XRCC4: variants seen among roughly 807,000 people sequenced by gnomAD.
XRCC4 encodes the protein DNA repair protein XRCC4.
A neutral mutation model predicts 39.1 loss-of-function variants in XRCC4; 28 were observed. That is an observed-to-expected ratio of 0.72 (90% CI 0.53 to 0.98). XRCC4 has a LOEUF of 0.98. Ranked by LOEUF, XRCC4 falls within the 50% of genes least tolerant of loss-of-function variation. The probability of loss-of-function intolerance (pLI) is 0.00; values close to 1 mark genes in which losing one functional copy is unlikely to be tolerated. For missense variants in XRCC4, 350 were observed against 376.4 expected (o/e 0.93, Z 0.58); for synonymous variants, 123 against 126.4 (o/e 0.97, Z 0.18).
chr5:83,270,866 A>G (rs1210148500), intron 7 of XRCC4, among the ~76,000 whole-genome samples: 1 of 151,566 alleles, frequency 6.6e-6, no homozygotes, highest in African/African-American at 2.4e-5. Flanking sequence ...GCTCACTGCA[A>G]TCTCTGCCTC....
intron 6 of XRCC4, among the ~76,000 whole-genome samples, chr5:83,232,749 G>C (rs536463045): frequency 6.6e-6 from 1 of 152,042 alleles, no homozygotes; most frequent in East Asian, 1.9e-4. Context: ...GTAAATTTCT[G>C]GTCAAAAAAA....
In XRCC4 at chr5:83,234,472, T is replaced by A. The variant is rs1580404355; in HGVS notation, c.746-24058T>A. On this transcript the variant is annotated intron_variant, in intron 6 of 7. Coordinates refer to ENST00000396027, the MANE Select transcript of XRCC4 (RefSeq NM_003401.5). The stretch of plus-strand genomic sequence containing the variant: ...AGTGCAGTGGCTGGTCACAGTAAAA[T>A]CATACCACAGTACAGCCTCGAACTC... Among the ~76,000 whole-genome samples the A allele has an allele frequency of 2.6e-5, 4 of 152,194 alleles. No individual in the cohort carries two copies. The South Asian group carries it at 8.3e-4, about 32-fold the overall frequency.
intron 3 of XRCC4, among the ~76,000 whole-genome samples, chr5:83,111,589 A>G (rs1366897113): frequency 6.6e-6 from 1 of 152,116 alleles, no homozygotes; most frequent in Non-Finnish European, 1.5e-5. Flanking sequence ...ATCTTTGAAT[A>G]TAGAATAATT....
At chr5:83,303,338 C>G (rs769735931) in intron 7 of XRCC4, among the ~76,000 whole-genome samples, 2 of 151,610 alleles carry the variant, frequency 1.3e-5, no homozygotes, top group Non-Finnish European at 2.9e-5. Context: ...TTTATTTATG[C>G]GCAGAGAAAA....
chr5:83,168,097 C>T (rs1749565536), intron 3 of XRCC4, among the ~76,000 whole-genome samples: 1 of 152,080 alleles, frequency 6.6e-6, no homozygotes, highest in African/African-American at 2.4e-5. Flanking sequence ...ATAAACTCTA[C>T]AGTTAAAAGA....
At chr5:83,299,505 C>G (rs1301710771) in intron 7 of XRCC4, among the ~76,000 whole-genome samples, 1 of 152,014 alleles carries the variant, frequency 6.6e-6, no homozygotes, top group Admixed American at 6.6e-5. Flanking sequence ...TCTCTCTGTC[C>G]CTTCCTTTGT....
intron 1 of XRCC4, among the ~76,000 whole-genome samples, chr5:83,101,852 A>G (rs2386237): frequency 0.34 from 51,231 of 151,950 alleles, 9,398 homozygotes; most frequent in Non-Finnish European, 0.42. Flanking sequence ...AAGCCAATAT[A>G]AAACATAAAA....
At chr5:83,107,427 A>G (rs1746249882) in intron 2 of XRCC4, among the ~76,000 whole-genome samples, 1 of 151,712 alleles carries the variant, frequency 6.6e-6, no homozygotes, top group Non-Finnish European at 1.5e-5. Flanking sequence ...TTCAATTTGG[A>G]CAATTTTTTT....
chr5:83,259,670 A>T (rs1427253540), intron 7 of XRCC4, among the ~76,000 whole-genome samples: 4 of 152,142 alleles, frequency 2.6e-5, no homozygotes, highest in Non-Finnish European at 5.9e-5. Flanking sequence ...AATACGTTTC[A>T]TAAAGAATAT....
intron 7 of XRCC4, among the ~76,000 whole-genome samples, chr5:83,289,587 G>C (rs1211944231): frequency 6.6e-6 from 1 of 151,832 alleles, no homozygotes; most frequent in African/African-American, 2.4e-5. Context: ...TAATACTGGA[G>C]TCCTGTTGGT....
intron 1 of XRCC4, among the ~76,000 whole-genome samples, chr5:83,104,020 T>G (rs971476516): frequency 2.0e-5 from 3 of 152,198 alleles, no homozygotes; most frequent in African/African-American, 7.2e-5. Flanking sequence ...CTTTTGTACT[T>G]TTGATGTATG....
At chr5:83,168,076 A>C (rs1749564043) in intron 3 of XRCC4, among the ~76,000 whole-genome samples, 1 of 152,206 alleles carries the variant, frequency 6.6e-6, no homozygotes, top group African/African-American at 2.4e-5. Flanking sequence ...TATTAAATCA[A>C]TTATGCCAAC....
intron 7 of XRCC4, among the ~76,000 whole-genome samples, chr5:83,273,041 C>G (rs1754197794): frequency 6.6e-6 from 1 of 152,182 alleles, no homozygotes; most frequent in Non-Finnish European, 1.5e-5. Context: ...ACACTCCCAC[C>G]AACAGTGTCA....
At chr5:83,293,509 A>G (rs372099873) in intron 7 of XRCC4, among the ~76,000 whole-genome samples, 1 of 151,594 alleles carries the variant, frequency 6.6e-6, no homozygotes, top group African/African-American at 2.4e-5. Flanking sequence ...ATCTTTTATA[A>G]TTTAACCCAT....
chr5:83,095,451 G>A (rs763029975), intron 1 of XRCC4, among the ~76,000 whole-genome samples: 3 of 152,336 alleles, frequency 2.0e-5, no homozygotes, highest in Admixed American at 1.3e-4. Context: ...TAGGAAAGTA[G>A]GCTTTGAGGC....
chr5:83,307,271 G>C (rs947777917), intron 7 of XRCC4, among the ~76,000 whole-genome samples: 3 of 152,140 alleles, frequency 2.0e-5, no homozygotes, highest in African/African-American at 7.2e-5. Flanking sequence ...CCAATTGTTT[G>C]ATGCTTGGAG....
downstream of XRCC4, among the ~76,000 whole-genome samples, chr5:83,356,536 T>G (rs1039983652): frequency 6.6e-6 from 1 of 152,214 alleles, no homozygotes; most frequent in Admixed American, 6.5e-5. Flanking sequence ...TCAGATTGAT[T>G]GAGTTGGTTA....
rs975586042 is a variant in XRCC4 at position 83,315,033 on chromosome 5, A to C, written c.894-38098A>C. Among the ~76,000 whole-genome samples, 8 of 152,180 alleles carry C rather than the reference A, an allele frequency of 5.3e-5. No individual in the cohort carries two copies. The East Asian group carries it at 1.5e-3, about 29-fold the overall frequency. On this transcript the variant is annotated intron_variant, in intron 7 of 7. Transcript: ENST00000396027. The stretch of plus-strand genomic sequence containing the variant: ...AAAAGTCAAAAGGTACGTCTCTTTC[A>C]CCAAACAACCAAGTTGTGAATGCAA...
intron 7 of XRCC4, among the ~76,000 whole-genome samples, chr5:83,312,570 G>C (rs578006633): frequency 1.7e-3 from 262 of 152,180 alleles, no homozygotes; most frequent in African/African-American, 6.0e-3. Context: ...ACCTGCATAG[G>C]GTTAATACAA....
Sources: gnomAD v4.1 joint callset for allele counts (sites outside exome capture counted in the v4.1 genomes callset) on GRCh38, gnomAD v4.1.1 for gene constraint, MANE v1.5 for transcripts, NCBI Gene and HGNC (gene_info 2026-07-23, HGNC 2026-07-21) for gene names.